Variants in PHF24 observed in about 807,000 individuals in gnomAD.
PHF24 encodes the protein PHD finger protein 24, also known as Galpha inhibitory interacting protein.
PHF24 carries 25 observed loss-of-function variants against 42.6 expected under a neutral mutation model. That is an observed-to-expected ratio of 0.59 (90% CI 0.43 to 0.82). The LOEUF (loss-of-function observed/expected upper bound fraction) is 0.82. PHF24 is among the 40% of genes least tolerant of loss of function. PHF24 has a pLI of 0.00. For missense variants in PHF24, 470 were observed against 538.1 expected, an observed-to-expected ratio of 0.87 and a Z score of 1.25; for synonymous variants, 185 against 204.8, an observed-to-expected ratio of 0.90 and a Z score of 0.83.
At chr9:34,681,457 A>G in the PHF24 span, among the ~76,000 whole-genome samples, 1 of 152,280 alleles carries the variant, frequency 6.6e-6, no homozygotes, top group African/African-American at 2.4e-5. Context: ...CCAAATTCGT[A>G]TGTTTAGTCC....
At chr9:34,924,165 C>T in the PHF24 span, among the ~76,000 whole-genome samples, 2 of 152,090 alleles carry the variant, frequency 1.3e-5, no homozygotes, top group Non-Finnish European at 2.9e-5. Context: ...ATAGAAGATA[C>T]TTGATATTAT....
At chr9:34,711,941 C>T in the PHF24 span, among the ~76,000 whole-genome samples, 1 of 144,442 alleles carries the variant, frequency 6.9e-6, no homozygotes, top group African/African-American at 2.5e-5. Context: ...CTTCCTTTAG[C>T]ATTTGTTTGT....
the PHF24 span, among the ~76,000 whole-genome samples, chr9:34,950,281 G>A: frequency 3.6e-4 from 54 of 149,884 alleles, no homozygotes; most frequent in African/African-American, 1.3e-3. Flanking sequence ...CCAAGAGGCG[G>A]AGGTTGCAGT....
the PHF24 span, among the ~76,000 whole-genome samples, chr9:34,788,609 GA>G: frequency 6.6e-6 from 1 of 152,176 alleles, no homozygotes; most frequent in African/African-American, 2.4e-5. Context: ...GATAGCAAAA[GA>G]AGCCAACATC....
At chr9:34,850,190 A>G in the PHF24 span, among the ~76,000 whole-genome samples, 41 of 152,304 alleles carry the variant, frequency 2.7e-4, no homozygotes, top group African/African-American at 8.2e-4. Flanking sequence ...AATATCCTGC[A>G]GAGTGTTTTC....
chr9:34,940,620 C>G, the PHF24 span, among the ~76,000 whole-genome samples: 9 of 152,146 alleles, frequency 5.9e-5, no homozygotes, highest in African/African-American at 1.9e-4. Context: ...TCTTTGTTAT[C>G]TATAACCTTG....
At chr9:34,907,425 T>A in the PHF24 span, among the ~76,000 whole-genome samples, 2,333 of 152,358 alleles carry the variant, frequency 0.015, 59 homozygotes, top group African/African-American at 0.053. Context: ...AATAAACTTG[T>A]ATGCCTTTTC....
the PHF24 span, among the ~76,000 whole-genome samples, chr9:34,943,746 T>C: frequency 6.6e-6 from 1 of 152,340 alleles, no homozygotes; most frequent in Non-Finnish European, 1.5e-5. Flanking sequence ...TACAACTCCC[T>C]CAAGCTGAAG....
chr9:34,745,877 T>C, the PHF24 span, among the ~76,000 whole-genome samples: 1 of 152,106 alleles, frequency 6.6e-6, no homozygotes, highest in East Asian at 1.9e-4. Flanking sequence ...TTTTAAATAA[T>C]GTTGAAAGGC....
the PHF24 span, among the ~76,000 whole-genome samples, chr9:34,748,772 C>A: frequency 6.6e-6 from 1 of 152,038 alleles, no homozygotes; most frequent in Non-Finnish European, 1.5e-5. Context: ...ACAATAAATA[C>A]CTAACTCTTC....
the PHF24 span, among the ~76,000 whole-genome samples, chr9:34,748,724 A>G: frequency 6.6e-6 from 1 of 152,224 alleles, no homozygotes; most frequent in Non-Finnish European, 1.5e-5. Context: ...AGTCTTCCCA[A>G]GAAGGATGGG....
At chr9:34,782,726 C>G in the PHF24 span, among the ~76,000 whole-genome samples, 1 of 152,108 alleles carries the variant, frequency 6.6e-6, no homozygotes, top group Non-Finnish European at 1.5e-5. Context: ...CTCAAACATG[C>G]CAAGTCTTAT....
At chr9:34,699,511 A>G in the PHF24 span, among the ~76,000 whole-genome samples, 2 of 152,328 alleles carry the variant, frequency 1.3e-5, no homozygotes, top group Non-Finnish European at 2.9e-5. Context: ...TGGTCCCTTC[A>G]CTAAATTATT....
the PHF24 span, among the ~76,000 whole-genome samples, chr9:34,701,023 C>A: frequency 6.6e-6 from 1 of 152,132 alleles, no homozygotes; most frequent in African/African-American, 2.4e-5. The surrounding 1 kb of genome is among the most constrained non-coding windows in gnomAD (Gnocchi z 5.8). Context: ...CTACGTGCTT[C>A]GCCTTGTTCA....
upstream of PHF24, among the ~76,000 whole-genome samples, chr9:34,952,607 GACTT>G (rs1268380984): frequency 3.3e-5 from 5 of 152,130 alleles, no homozygotes; most frequent in East Asian, 9.6e-4. Flanking sequence ...CTGATTTTAA[GACTT>G]ACTAAAAAGC....
At chr9:34,739,098 A>C in the PHF24 span, among the ~76,000 whole-genome samples, 3 of 152,060 alleles carry the variant, frequency 2.0e-5, no homozygotes, top group Admixed American at 6.5e-5. Context: ...GCAGTTTTCT[A>C]ATTTTCTTGT....
At chr9:34,899,661 A>G in the PHF24 span, among the ~76,000 whole-genome samples, 1 of 152,216 alleles carries the variant, frequency 6.6e-6, no homozygotes, top group South Asian at 2.1e-4. Context: ...AGTGTCAGGC[A>G]GCAAAACCAC....
Position 34,978,007 on chromosome 9 carries a change from C to T in PHF24, c.1107-8C>T. Reference sequence around the variant, plus strand: ...GCCTCACGACTCTGTTCTTTGCTTCCACTCCAGATTTGTGGACTGGCCTAC... The same window carrying T: ...GCCTCACGACTCTGTTCTTTGCTTCTACTCCAGATTTGTGGACTGGCCTAC... On this transcript the variant is annotated splice_polypyrimidine_tract_variant and splice_region_variant and intron_variant, in intron 7 of 7. Transcript: ENST00000242315. 2 of 1,608,730 alleles carry T rather than the reference C, an allele frequency of 1.2e-6. No individual in the cohort carries two copies. Among genetic ancestry groups the T allele is most frequent in the East Asian group, 2.2e-5 (1 of 44,846 alleles).
the PHF24 span, among the ~76,000 whole-genome samples, chr9:34,919,483 A>G: frequency 1.3e-5 from 2 of 152,032 alleles, no homozygotes; most frequent in African/African-American, 2.4e-5. Flanking sequence ...TCTGATAACC[A>G]TCATTCTACT....
Sources: gnomAD v4.1 joint callset for allele counts (sites outside exome capture counted in the v4.1 genomes callset) on GRCh38, gnomAD v4.1.1 for gene constraint, Gnocchi (gnomAD v3.1) non-coding constraint, MANE v1.5 for transcripts, NCBI Gene and HGNC (gene_info 2026-07-23, HGNC 2026-07-21) for gene names.